The following GPRC6A variants were observed in gnomAD, a reference collection of about 807,000 sequenced individuals.
GPRC6A encodes the protein G protein-coupled receptor family C group 6 member A.
Under a neutral mutation model 47.0 loss-of-function variants are expected in GPRC6A, and 54 were observed. The observed-to-expected ratio is 1.15, with a 90% CI of 0.92 to 1.44. The LOEUF is 1.44. GPRC6A is among the 40% of genes most tolerant of loss of function. The pLI is 0.00. For synonymous variants in GPRC6A, 347 were observed against 377.1 expected (o/e 0.92, Z 0.93); for missense variants, 1,112 against 1,105.5 (o/e 1.01, Z -0.08).
Position 116,807,049 on chromosome 6 carries a change from T to C in GPRC6A, c.656A>G (p.Asp219Gly). ...NWIGIITTDD[D>G]YGRLALNTFI... is the part of the protein sequence containing the mutation. ...AGTGTTAAGAGCCAATCGTCCATAGTCATCATCTGTGGTTATGATGCCAAT... is the reference window on the plus strand; with the variant it reads ...AGTGTTAAGAGCCAATCGTCCATAGCCATCATCTGTGGTTATGATGCCAAT... Residue 219 changes from aspartate to glycine, a missense_variant, in exon 3 of 6, where the codon GAC becomes GGC. Asp to Gly is a moderately conservative substitution (Grantham distance 94, BLOSUM62 -1). Transcript: ENST00000310357. 1.2e-6 allele frequency: 2 copies of C among 1,613,732 alleles called. No homozygotes were observed. Among genetic ancestry groups the C allele is most frequent in the Non-Finnish European group, 1.7e-6 (2 of 1,179,714 alleles).
Position 116,800,614 on chromosome 6 carries a change from C to A in GPRC6A, c.1518G>T (p.Gln506His). 6.2e-7 allele frequency: 1 copy of A among 1,613,312 alleles called. No individual in the cohort carries two copies. ...LQNDVFIIPD[Q>H]ETKNEFRNLK... ...GATTCCTGAACTCATTTTTTGTTTC[C>A]TGATCTGGGATGATGAAGACATCAT... The change falls in exon 4 of 6, where the codon CAG (glutamine) becomes CAT (histidine). Residue 506 changes from glutamine (Q) to histidine (H), a missense_variant. Physicochemically the swap from Gln to His is conservative, Grantham distance 24. Coordinates refer to ENST00000310357, the MANE Select transcript of GPRC6A (RefSeq NM_148963.4).
Position 116,793,112 on chromosome 6 carries a change from C to G in GPRC6A, c.1811G>C (p.Gly604Ala). The change falls in exon 6 of 6, where the codon GGA becomes GCA. Residue 604 changes from glycine (G) to alanine (A), a missense_variant. Coordinates refer to ENST00000310357, the MANE Select transcript of GPRC6A (RefSeq NM_148963.4). ...AILLLILSLL[G>A]IIFVLVVGII... The stretch of plus-strand genomic sequence containing the variant: ...GCCAACAACCAGAACAAATATGATT[C>G]CCAGTAGGGAGAGAATCAGGAGTAG... 1 of 1,613,916 alleles carries G rather than the reference C, an allele frequency of 6.2e-7. No homozygotes were observed. Among genetic ancestry groups the G allele is most frequent in the Non-Finnish European group, 8.5e-7 (1 of 1,179,900 alleles).
Position 116,800,659 on chromosome 6 carries a change from C to T in GPRC6A, c.1473G>A (p.Met491Ile), listed in dbSNP as rs1420951667. 1 of 1,613,202 alleles carries T rather than the reference C, an allele frequency of 6.2e-7. No homozygotes were observed. Among genetic ancestry groups the T allele is most frequent in the Admixed American group, 1.7e-5 (1 of 59,964 alleles). Residue 491 changes from methionine (M) to isoleucine (I), a missense_variant, in exon 4 of 6, where the codon ATG becomes ATA. Met to Ile is a conservative substitution (Grantham distance 10). Transcript: ENST00000310357. ...EINGHMTVTK[M>I]AEYDLQNDVF... ...CATCATTCTGTAGGTCATATTCTGCCATCTTAGTGACAGTCATGTGTCCAT... is the reference window on the plus strand; with the variant it reads ...CATCATTCTGTAGGTCATATTCTGCTATCTTAGTGACAGTCATGTGTCCAT...
At chr6:116,799,052 C>T (rs1772578496) in intron 4 of GPRC6A, among the ~76,000 whole-genome samples, 1 of 151,896 alleles carries the variant, frequency 6.6e-6, no homozygotes, top group Non-Finnish European at 1.5e-5. Context: ...TGGAGTGTGA[C>T]CGAAAGAGAG....
rs1772643820 is a variant in GPRC6A at position 116,800,680 on chromosome 6, T to C, written c.1452A>G (p.Gly484=). 1 of 1,610,252 alleles carries C rather than the reference T, an allele frequency of 6.2e-7. No individual in the cohort carries two copies. Among genetic ancestry groups the C allele is most frequent in the East Asian group, 2.2e-5 (1 of 44,838 alleles). Reference sequence around the variant, plus strand: ...CTGCCATCTTAGTGACAGTCATGTGTCCATTGATCTCCTTCCAGAGCACAA... The same window carrying C: ...CTGCCATCTTAGTGACAGTCATGTGCCCATTGATCTCCTTCCAGAGCACAA... ...YDVVLWKEIN[G]HMTVTKMAEY... The change falls in exon 4 of 6, where the codon GGA becomes GGG. Residue 484 remains glycine (G), a synonymous_variant. Coordinates refer to ENST00000310357, the MANE Select transcript of GPRC6A (RefSeq NM_148963.4).
chr6:116,792,169 C>T lies in GPRC6A; in HGVS notation c.2754G>A (p.Leu918=), dbSNP rs1554261723. 1 of 1,613,102 alleles carries T rather than the reference C, an allele frequency of 6.2e-7. No homozygotes were observed. Among genetic ancestry groups the T allele is most frequent in the South Asian group, 1.1e-5 (1 of 90,932 alleles). Residue 918 remains leucine (L), a synonymous_variant, in exon 6 of 6, where the codon TTG becomes TTA. Transcript: ENST00000310357. ...ATATACTTGACATTCTTTTTCGAGG[C>T]AAAGTTTTAGATACACTTGTGGCAT... is the stretch of plus-strand genomic sequence containing the variant. ...RENATSVSKT[L]PRKRMSSI
At chr6:116,812,425 G>T (rs1773056264) in intron 1 of GPRC6A, among the ~76,000 whole-genome samples, 1 of 152,098 alleles carries the variant, frequency 6.6e-6, no homozygotes, top group Non-Finnish European at 1.5e-5. Flanking sequence ...ACACAAGAAA[G>T]TGTAAAACAA....
rs6901971 is a variant in GPRC6A, at chr6:116,793,240, G to A, written c.1683C>T (p.His561=). Residue 561 remains histidine, a synonymous_variant, in exon 6 of 6, where the codon CAC becomes CAT. Transcript: ENST00000310357. ...NHYTNQTDMP[H]CLLCNNKTHW... ...GAGTTTTGTTGTTGCATAAAAGGCA[G>A]TGAGGCATATCTAAAAGACAGAGGA... is the stretch of plus-strand genomic sequence containing the variant. The A allele has an allele frequency of 0.73, 1,156,911 of 1,588,006 alleles. 423,890 individuals are homozygous for A. Among genetic ancestry groups the A allele is most frequent in the Middle Eastern group, 0.82 (4,708 of 5,768 alleles).
chr6:116,823,411 C>T (rs1773572558), intron 1 of GPRC6A, among the ~76,000 whole-genome samples: 1 of 152,098 alleles, frequency 6.6e-6, no homozygotes, highest in South Asian at 2.1e-4. Flanking sequence ...CTAATAAGTT[C>T]CTCATCTCCA....
Position 116,811,052 on chromosome 6 carries a change from A to C in GPRC6A, c.195-1435T>G, listed in dbSNP as rs1439970887. Among the ~76,000 whole-genome samples, 3 of 152,264 alleles carry C rather than the reference A, an allele frequency of 2.0e-5. No individual in the cohort carries two copies. The East Asian group carries it at 5.8e-4, about 29-fold the overall frequency. On this transcript the variant is annotated intron_variant, in intron 1 of 5. Transcript: ENST00000310357. ...GTGTATACTGCCCTGGGACACAATG[A>C]TGGGCATACTTAGCCCATTGCTAAC...
intron 1 of GPRC6A, among the ~76,000 whole-genome samples, chr6:116,819,461 A>G (rs1244364945): frequency 6.6e-6 from 1 of 152,024 alleles, no homozygotes; most frequent in African/African-American, 2.4e-5. Flanking sequence ...CTTGGAAGTA[A>G]AGCTCTCCTC....
At chr6:116,827,780 T>A (rs966827647) in intron 1 of GPRC6A, among the ~76,000 whole-genome samples, 3 of 152,006 alleles carry the variant, frequency 2.0e-5, no homozygotes, top group Admixed American at 6.6e-5. Flanking sequence ...TTCCTGTTAA[T>A]CAATGATTAT....
At position 116,821,912 on chromosome 6, in the gene GPRC6A, A is replaced by T. The variant is rs546671081; in HGVS notation, c.194+6908T>A. Among the ~76,000 whole-genome samples, 23 of 150,190 alleles carry T rather than the reference A, an allele frequency of 1.5e-4. No individual in the cohort carries two copies. In the East Asian group the frequency reaches 4.1e-3, roughly 26 times the overall value. On this transcript the variant is annotated intron_variant, in intron 1 of 5. Transcript: ENST00000310357. ...GCACAGCAAAAGAAACTACCATCAG[A>T]GTGAACAGGCAACCTACAAAATGGG...
At chr6:116,820,034 C>T (rs568741670) in intron 1 of GPRC6A, among the ~76,000 whole-genome samples, 7 of 149,632 alleles carry the variant, frequency 4.7e-5, no homozygotes, top group Non-Finnish European at 7.4e-5. Context: ...GATATCACCA[C>T]CGATCCCACA....
At chr6:116,817,751 C>T (rs537537291) in intron 1 of GPRC6A, among the ~76,000 whole-genome samples, 2,387 of 151,874 alleles carry the variant, frequency 0.016, 31 homozygotes, top group Middle Eastern at 0.048. Flanking sequence ...CCTCAGGAGC[C>T]GATGCGATCA....
chr6:116,817,634 A>G (rs1256174247), intron 1 of GPRC6A, among the ~76,000 whole-genome samples: 4 of 152,160 alleles, frequency 2.6e-5, no homozygotes, highest in African/African-American at 9.7e-5. Flanking sequence ...AAACTTTGAA[A>G]AAAATTTAGA....
chr6:116,817,076 TG>T (rs1297565046), intron 1 of GPRC6A, among the ~76,000 whole-genome samples: 2 of 152,170 alleles, frequency 1.3e-5, no homozygotes, highest in Non-Finnish European at 2.9e-5. Flanking sequence ...GCTCCACCTC[TG>T]GGGGCAGGGC....
rs1403044398 is a variant in GPRC6A at position 116,806,842 on chromosome 6, T to C, written c.863A>G (p.Asn288Ser). 1.9e-6 allele frequency: 3 copies of C among 1,613,442 alleles called. No homozygotes were observed. The highest frequency in any genetic ancestry group is 1.1e-5 in the South Asian group (1 of 91,066). ...LRQFHVFDLF[N>S]KAIEMNINKM... Reference sequence around the variant, plus strand: ...ATTTATATTCATTTCAATGGCTTTATTGAAGAGATCAAAAACATGGAATTG... The same window carrying C: ...ATTTATATTCATTTCAATGGCTTTACTGAAGAGATCAAAAACATGGAATTG... Residue 288 changes from asparagine to serine, a missense_variant, in exon 3 of 6, where the codon AAT becomes AGT. Coordinates refer to ENST00000310357, the MANE Select transcript of GPRC6A (RefSeq NM_148963.4).
In GPRC6A at chr6:116,828,809, GACTT is replaced by G. The variant is rs1773750727; in HGVS notation, c.194+7_194+10del. On this transcript the variant is annotated splice_region_variant and intron_variant, in intron 1 of 5. Coordinates refer to ENST00000310357, the MANE Select transcript of GPRC6A (RefSeq NM_148963.4). ...CTTGAAATCTAAACGTGTTTTTTGA[GACTT>G]ACTCACCCAACACACTCCTGGATTT... 1 of 1,598,496 alleles carries G rather than the reference GACTT, an allele frequency of 6.3e-7. No individual in the cohort carries two copies. The highest frequency in any genetic ancestry group is 1.3e-5 in the African/African-American group (1 of 74,506).
Sources: allele counts gnomAD v4.1 joint callset (sites outside exome capture counted in the v4.1 genomes callset), GRCh38; gene constraint gnomAD v4.1.1; transcripts MANE v1.5; gene names NCBI Gene and HGNC (gene_info 2026-07-23, HGNC 2026-07-21).